The following YLPM1 variants were observed in gnomAD, a reference collection of about 807,000 sequenced individuals.
The protein encoded by YLPM1 is YLP motif-containing protein 1.
A neutral mutation model predicts 230.0 loss-of-function variants in YLPM1; 99 were observed. The ratio of observed to expected loss-of-function variants is 0.43; its 90% CI spans 0.37 to 0.51. The LOEUF (loss-of-function observed/expected upper bound fraction) is 0.51. Among genes scored for constraint, YLPM1 ranks in the 20% least tolerant of loss-of-function variants. YLPM1 has a pLI of 0.00. For synonymous variants in YLPM1, 984 were observed against 942.5 expected, an observed-to-expected ratio of 1.04 and a Z score of -0.81; for missense variants, 2,592 against 2,707.7, an observed-to-expected ratio of 0.96 and a Z score of 0.95.
intron 4 of YLPM1, among the ~76,000 whole-genome samples, chr14:74,797,016 G>A (rs2091269237): frequency 8.3e-6 from 1 of 119,780 alleles, no homozygotes; most frequent in Non-Finnish European, 1.7e-5. Flanking sequence ...TTGTCACCCA[G>A]TCTAGAGTGC....
chr14:74,774,595 A>G (rs564169082), intron 1 of YLPM1, among the ~76,000 whole-genome samples: 5 of 152,098 alleles, frequency 3.3e-5, no homozygotes, highest in African/African-American at 1.2e-4. Flanking sequence ...TTTAGGAGAG[A>G]TGGGGTTTCA....
At chr14:74,833,846 T>G (rs1305352197) in intron 19 of YLPM1, among the ~76,000 whole-genome samples, 2 of 152,170 alleles carry the variant, frequency 1.3e-5, no homozygotes, top group East Asian at 3.9e-4. Context: ...AGAGCAATAA[T>G]GCATTCCCAG....
intron 2 of YLPM1, among the ~76,000 whole-genome samples, chr14:74,779,413 C>G (rs1304187214): frequency 6.6e-6 from 1 of 152,084 alleles, no homozygotes; most frequent in Non-Finnish European, 1.5e-5. Context: ...TCAATAGTAG[C>G]TATCATATAG....
At chr14:74,805,495 C>T (rs1258462283) in intron 6 of YLPM1, among the ~76,000 whole-genome samples, 1 of 151,470 alleles carries the variant, frequency 6.6e-6, no homozygotes, top group East Asian at 1.9e-4. Context: ...AGGCACACAC[C>T]CTACGCCTGG....
Position 74,797,982 on chromosome 14 carries a change from G to C in YLPM1, c.2685G>C (p.Ala895=). 1.2e-6 allele frequency: 2 copies of C among 1,613,674 alleles called. No homozygotes were observed. Among genetic ancestry groups the C allele is most frequent in the Non-Finnish European group, 1.7e-6 (2 of 1,179,774 alleles). Residue 895 remains alanine, a synonymous_variant, in exon 5 of 21, where the codon GCG becomes GCC. Coordinates refer to ENST00000325680, the MANE Select transcript of YLPM1 (RefSeq NM_019589.3). ...CTGCAGATGTAAAGGATGTCAAGGC[G>C]GCTCAGTCAAATGAGAATCTAAGCG... ...SIAADVKDVK[A]AQSNENLSDS... is the part of the protein sequence containing the mutation.
intron 19 of YLPM1, among the ~76,000 whole-genome samples, chr14:74,834,476 C>T (rs758929679): frequency 6.6e-6 from 1 of 152,004 alleles, no homozygotes; most frequent in Non-Finnish European, 1.5e-5. Context: ...TTAGGGAAGA[C>T]AGATCTGTAA....
intron 1 of YLPM1, among the ~76,000 whole-genome samples, chr14:74,767,175 C>T (rs569786171): frequency 1.6e-4 from 25 of 152,276 alleles, no homozygotes; most frequent in South Asian, 8.3e-4. Context: ...AGCCACCGTG[C>T]CCGGCCAAGA....
At chr14:74,819,719 T>A (rs1260266971) in intron 16 of YLPM1, among the ~76,000 whole-genome samples, 4 of 152,224 alleles carry the variant, frequency 2.6e-5, no homozygotes, top group African/African-American at 4.8e-5. Context: ...ATTGATTAAT[T>A]TTGTAGCCAC....
rs766430844 is a variant in YLPM1, at chr14:74,835,316, A to G, written c.6346A>G (p.Ile2116Val). The G allele has an allele frequency of 3.1e-6, 5 of 1,613,632 alleles. No individual in the cohort carries two copies. The highest frequency in any genetic ancestry group is 4.2e-6 in the Non-Finnish European group (5 of 1,179,738). Residue 2116 changes from isoleucine to valine, a missense_variant, in exon 20 of 21, where the codon ATA becomes GTA. By Grantham distance (29) the Ile-to-Val change is conservative. This residue lies in a region of YLPM1 where 315 missense variants were observed against 429.3 expected (regional missense o/e 0.73). Coordinates refer to ENST00000325680, the MANE Select transcript of YLPM1 (RefSeq NM_019589.3). ...GAAGGATGCAGATAGGAAAAGGGCCATAGGTTTTGTGGTCGGACAGACTGA... is the reference window on the plus strand; with the variant it reads ...GAAGGATGCAGATAGGAAAAGGGCCGTAGGTTTTGTGGTCGGACAGACTGA... Reference protein sequence around the residue: ...EKKDADRKRAIGFVVGQTDWE... With the variant: ...EKKDADRKRAVGFVVGQTDWE...
chr14:74,796,722 A>T (rs959585670), intron 4 of YLPM1, among the ~76,000 whole-genome samples: 1 of 150,228 alleles, frequency 6.7e-6, no homozygotes, highest in African/African-American at 2.4e-5. Flanking sequence ...AAATGTCAGA[A>T]CCTACTCTTA....
In YLPM1 at chr14:74,809,964, G is replaced by T. The variant is rs770906109; in HGVS notation, c.4994G>T (p.Arg1665Leu). ...CCTTATGGAGAAAGAATAACTCTAC[G>T]CCCAGATCCACTACCTGAAAGATCA... is the stretch of plus-strand genomic sequence containing the variant. ...QIPYGERITL[R>L]PDPLPERSTF... The change falls in exon 8 of 21, where the codon CGC (arginine) becomes CTC (leucine). Residue 1665 changes from arginine (R) to leucine (L), a missense_variant. By Grantham distance (102) the Arg-to-Leu change is moderately radical. This residue lies in a region of YLPM1 where 403 missense variants were observed against 426.7 expected (regional missense o/e 0.94). Coordinates refer to ENST00000325680, the MANE Select transcript of YLPM1 (RefSeq NM_019589.3). 25 of 1,609,260 alleles carry T rather than the reference G, an allele frequency of 1.6e-5. No homozygotes were observed. Among genetic ancestry groups the T allele is most frequent in the Non-Finnish European group, 2.1e-5 (25 of 1,177,516 alleles).
rs755667903 is a variant in YLPM1, at chr14:74,796,750, C to CT, written c.2283-814dup. ...TACTCTTAAGATAGGGCTACTGTTTCTTTTTTTTTTTTTTTTAACTTTTGT... is the reference window on the plus strand; with the variant it reads ...TACTCTTAAGATAGGGCTACTGTTTCTTTTTTTTTTTTTTTTTAACTTTTGT... On this transcript the variant is annotated intron_variant, in intron 4 of 20. Coordinates refer to ENST00000325680, the MANE Select transcript of YLPM1 (RefSeq NM_019589.3). 9.5e-3 allele frequency among the ~76,000 whole-genome samples: 1,210 copies of CT among 127,014 alleles called. 12 individuals are homozygous for CT. The highest frequency in any genetic ancestry group is 0.022 in the Middle Eastern group (5 of 232). The allele number at this position is 127,014 out of a possible 152,430, so 83.3% of individuals were successfully genotyped here.
At chr14:74,833,294 G>A (rs1412359001) in intron 19 of YLPM1, among the ~76,000 whole-genome samples, 2 of 152,106 alleles carry the variant, frequency 1.3e-5, no homozygotes, top group East Asian at 3.9e-4. Context: ...TGTCACCCAG[G>A]CTGGAGTACA....
At chr14:74,788,189 C>G (rs752151379) in intron 4 of YLPM1, among the ~76,000 whole-genome samples, 2 of 151,370 alleles carry the variant, frequency 1.3e-5, no homozygotes, top group African/African-American at 4.9e-5. Flanking sequence ...GGCGCAATCT[C>G]AGCTCACTAC....
At chr14:74,827,334 C>G in intron 18 of YLPM1, 2 of 985,362 alleles carry the variant, frequency 2.0e-6, no homozygotes, top group Non-Finnish European at 2.4e-6. Flanking sequence ...TTTCTTTCCC[C>G]TCACCTTATG....
At chr14:74,801,525 C>T (rs1288138620) in intron 5 of YLPM1, among the ~76,000 whole-genome samples, 1 of 152,190 alleles carries the variant, frequency 6.6e-6, no homozygotes, top group Non-Finnish European at 1.5e-5. Flanking sequence ...TAATTATCTT[C>T]AGGAATATGA....
intron 1 of YLPM1, among the ~76,000 whole-genome samples, chr14:74,767,239 G>A (rs991807740): frequency 6.6e-6 from 1 of 152,046 alleles, no homozygotes; most frequent in Non-Finnish European, 1.5e-5. Flanking sequence ...CAGTTTCTTG[G>A]TATCATCTAA....
intron 4 of YLPM1, among the ~76,000 whole-genome samples, chr14:74,785,953 A>G (rs532060470): frequency 1.3e-4 from 20 of 152,326 alleles, no homozygotes; most frequent in African/African-American, 4.6e-4. Context: ...AAACTGTCAT[A>G]TCAATGGATG....
rs371303411 is a variant in YLPM1 at position 74,782,151 on chromosome 14, C to T, written c.2108C>T (p.Pro703Leu). The stretch of plus-strand genomic sequence containing the variant: ...TCAGAACAAGTGAATTCAAAAGCTC[C>T]TTTGAGCAAGTCTGCTCTGCCATAC... ...GPSEQVNSKAPLSKSALPYSS... is the reference protein window; with the variant it reads ...GPSEQVNSKALLSKSALPYSS... The change falls in exon 4 of 21, where the codon CCT becomes CTT. Residue 703 changes from proline to leucine, a missense_variant. Around this residue, in one of 4 missense-constraint regions of YLPM1, gnomAD observed 1,862 missense variants for 1,819.8 expected, o/e 1.02. Transcript: ENST00000325680. 8.7e-6 allele frequency: 14 copies of T among 1,613,150 alleles called. No individual in the cohort carries two copies. In the African/African-American group the frequency reaches 1.9e-4, roughly 22 times the overall value.
Sources: allele counts gnomAD v4.1 joint callset (sites outside exome capture counted in the v4.1 genomes callset), GRCh38; gene constraint gnomAD v4.1.1; regional missense constraint gnomAD v4.1.1; transcripts MANE v1.5; gene names NCBI Gene and HGNC (gene_info 2026-07-23, HGNC 2026-07-21).